NAALADL2: variants seen among roughly 807,000 people sequenced by gnomAD.
NAALADL2 encodes inactive N-acetylated-alpha-linked acidic dipeptidase-like protein 2.
A neutral mutation model predicts 87.2 loss-of-function variants in NAALADL2; 76 were observed. That is an observed-to-expected ratio of 0.87 (90% CI 0.72 to 1.05). The LOEUF (loss-of-function observed/expected upper bound fraction) is 1.05, where lower values mean the gene tolerates loss of function less well. Ranked by LOEUF, NAALADL2 falls within the 50% of genes least tolerant of loss-of-function variation. The pLI is 0.00. For synonymous variants in NAALADL2, 354 were observed against 331.0 expected, an observed-to-expected ratio of 1.07 and a Z score of -0.75; for missense variants, 1,089 against 945.8, an observed-to-expected ratio of 1.15 and a Z score of -1.99.
At chr3:175,000,557 C>G (rs1204818089) in intron 1 of NAALADL2, among the ~76,000 whole-genome samples, 1 of 152,160 alleles carries the variant, frequency 6.6e-6, no homozygotes, top group Non-Finnish European at 1.5e-5. Context: ...GCTACTGGGA[C>G]TGGACCTTTA....
chr3:175,783,110 C>T (rs1235235168), intron 13 of NAALADL2, among the ~76,000 whole-genome samples: 3 of 151,736 alleles, frequency 2.0e-5, no homozygotes, highest in Admixed American at 6.6e-5. Context: ...TTACTGTAGC[C>T]TTGTAGTATA....
chr3:175,747,024 T>C (rs1746018508), intron 12 of NAALADL2, among the ~76,000 whole-genome samples: 1 of 152,208 alleles, frequency 6.6e-6, no homozygotes, highest in African/African-American at 2.4e-5. Flanking sequence ...TAAATAGTTG[T>C]TATACTGAAT....
intron 1 of NAALADL2, among the ~76,000 whole-genome samples, chr3:175,038,138 A>T (rs1462502862): frequency 6.6e-6 from 1 of 152,156 alleles, no homozygotes; most frequent in East Asian, 1.9e-4. Flanking sequence ...ATATTATGAT[A>T]AAATCTTTAA....
At chr3:175,672,832 C>T (rs571767998) in intron 11 of NAALADL2, among the ~76,000 whole-genome samples, 1 of 152,180 alleles carries the variant, frequency 6.6e-6, no homozygotes, top group Non-Finnish European at 1.5e-5. Context: ...GTAAATATAG[C>T]AAAATGTTTG....
chr3:175,794,746 T>C (rs1323693793), intron 13 of NAALADL2, among the ~76,000 whole-genome samples: 1 of 152,238 alleles, frequency 6.6e-6, no homozygotes. Context: ...GACACTTTTA[T>C]CTATTTCTTG....
Position 175,365,795 on chromosome 3 carries a change from T to C in NAALADL2, c.1090+41470T>C, listed in dbSNP as rs571479463. Among the ~76,000 whole-genome samples the C allele has an allele frequency of 1.1e-3, 166 of 147,704 alleles. 11 individuals carry two copies. Among genetic ancestry groups the C allele is most frequent in the Admixed American group, 3.9e-3 (56 of 14,408 alleles). On this transcript the variant is annotated intron_variant, in intron 5 of 13. Transcript: ENST00000454872. ...CAATGGAATTTATAATTTTGCAAAATATTGTCTGATAAATTTGAAAGCAAC... is the reference window on the plus strand; with the variant it reads ...CAATGGAATTTATAATTTTGCAAAACATTGTCTGATAAATTTGAAAGCAAC...
At chr3:175,325,356 T>C (rs1441516471) in intron 5 of NAALADL2, among the ~76,000 whole-genome samples, 1 of 152,220 alleles carries the variant, frequency 6.6e-6, no homozygotes, top group Non-Finnish European at 1.5e-5. Context: ...AAGTATTCCT[T>C]TAATAATCCA....
At chr3:175,738,918 G>A (rs1444244314) in intron 12 of NAALADL2, among the ~76,000 whole-genome samples, 1 of 152,024 alleles carries the variant, frequency 6.6e-6, no homozygotes, top group East Asian at 1.9e-4. Context: ...TATCATTTTT[G>A]CAAATATTTT....
intron 8 of NAALADL2, among the ~76,000 whole-genome samples, 150 bp from the exon 9 acceptor site, chr3:175,471,487 AAG>A (rs1326407910): frequency 0.018 from 1,790 of 98,452 alleles, 74 homozygotes; most frequent in East Asian, 0.17. Flanking sequence ...AAAAAAAAAA[AAG>A]AAAGAAAGAA....
chr3:174,692,305 T>A (rs1332961216), intron 2 of NAALADL2, among the ~76,000 whole-genome samples: 3 of 152,226 alleles, frequency 2.0e-5, no homozygotes, highest in Non-Finnish European at 4.4e-5. Context: ...ATGATTGTTT[T>A]AACTATTTGG....
intron 4 of NAALADL2, among the ~76,000 whole-genome samples, chr3:175,306,217 T>A (rs747672429): frequency 1.6e-4 from 24 of 152,132 alleles, no homozygotes; most frequent in Non-Finnish European, 1.5e-5. Context: ...TCTTAAACAT[T>A]TTGAGATCCT....
intron 2 of NAALADL2, among the ~76,000 whole-genome samples, chr3:175,138,625 G>A (rs952469146): frequency 2.7e-5 from 4 of 148,258 alleles, no homozygotes; most frequent in East Asian, 3.9e-4. Context: ...TATTATTATT[G>A]TTATTATTAT....
At chr3:174,705,386 A>G (rs553420428) in intron 2 of NAALADL2, among the ~76,000 whole-genome samples, 7 of 152,382 alleles carry the variant, frequency 4.6e-5, no homozygotes, top group African/African-American at 1.7e-4. Flanking sequence ...TCTGAAGAGC[A>G]TAATTTGTCC....
intron 1 of NAALADL2, among the ~76,000 whole-genome samples, chr3:175,057,130 A>G (rs942477974): frequency 2.0e-5 from 3 of 152,190 alleles, no homozygotes; most frequent in African/African-American, 7.2e-5. Flanking sequence ...GCAAGATGTT[A>G]CTCATTCAAT....
At chr3:175,220,864 G>A (rs919963602) in intron 2 of NAALADL2, among the ~76,000 whole-genome samples, 5 of 151,862 alleles carry the variant, frequency 3.3e-5, no homozygotes, top group Non-Finnish European at 7.4e-5. Context: ...GCTGATTCCC[G>A]CAAGTACTGT....
intron 3 of NAALADL2, among the ~76,000 whole-genome samples, chr3:174,807,513 A>G (rs1052402220): frequency 1.3e-5 from 2 of 151,924 alleles, no homozygotes; most frequent in African/African-American, 2.4e-5. Context: ...CCTTGTACAC[A>G]TTTTTCTTTT....
intron 9 of NAALADL2, among the ~76,000 whole-genome samples, chr3:175,485,618 C>T (rs1560631350): frequency 6.6e-6 from 1 of 152,162 alleles, no homozygotes; most frequent in Non-Finnish European, 1.5e-5. Context: ...AGGAATCATC[C>T]AGCAGGGGAG....
At chr3:175,472,510 G>A (rs947902884) in intron 9 of NAALADL2, among the ~76,000 whole-genome samples, 2 of 152,062 alleles carry the variant, frequency 1.3e-5, no homozygotes, top group Admixed American at 6.6e-5. Flanking sequence ...TAGCCTCAAT[G>A]TCTGTTAATT....
intron 1 of NAALADL2, among the ~76,000 whole-genome samples, chr3:174,455,131 A>G (rs1715749481): frequency 6.6e-6 from 1 of 152,196 alleles, no homozygotes; most frequent in African/African-American, 2.4e-5. Flanking sequence ...AAAATCCAGA[A>G]GAAATGGATA....
Sources: allele counts gnomAD v4.1 joint callset (sites outside exome capture counted in the v4.1 genomes callset), GRCh38; gene constraint gnomAD v4.1.1; transcripts MANE v1.5; gene names NCBI Gene and HGNC (gene_info 2026-07-23, HGNC 2026-07-21).